IL1RAPL2: variants seen among roughly 807,000 people sequenced by gnomAD.
IL1RAPL2 encodes X-linked interleukin-1 receptor accessory protein-like 2.
IL1RAPL2 carries 3 observed loss-of-function variants against 44.1 expected under a neutral mutation model. The observed-to-expected ratio is 0.07, with a 90% CI of 0.03 to 0.18. The LOEUF is 0.18. IL1RAPL2 is among the 10% of genes least tolerant of loss of function. The pLI is 1.00. For missense variants in IL1RAPL2, 391 were observed against 496.4 expected (o/e 0.79, Z 2.02); for synonymous variants, 181 against 178.8 (o/e 1.01, Z -0.10).
chrX:104,746,829 G>A (rs777623869), intron 2 of IL1RAPL2, among the ~76,000 whole-genome samples: 3 of 111,394 alleles, frequency 2.7e-5, no homozygotes, highest in Non-Finnish European at 5.7e-5. Flanking sequence ...TGTGGCTTTC[G>A]TGCCTTGATA....
At chrX:104,944,031 AAAAC>A (rs1925276752) in intron 2 of IL1RAPL2, among the ~76,000 whole-genome samples, 1 of 111,740 alleles carries the variant, frequency 8.9e-6, no homozygotes, top group African/African-American at 3.3e-5. Context: ...TGGATTTACC[AAAAC>A]AAACAAACGA....
At chrX:105,406,603 T>C in intron 5 of IL1RAPL2, 19 of 1,181,110 alleles carry the variant, frequency 1.6e-5, no homozygotes, top group Non-Finnish European at 2.2e-5. Context: ...AACTTCAAAA[T>C]GGCCAATTTA....
At chrX:105,704,779 A>C (rs1415934813) in intron 6 of IL1RAPL2, among the ~76,000 whole-genome samples, 12 of 109,398 alleles carry the variant, frequency 1.1e-4, no homozygotes, top group Non-Finnish European at 2.1e-4. Flanking sequence ...TCTCCCTCCC[A>C]CCACCCCACC....
chrX:104,894,437 T>G (rs752528729), intron 2 of IL1RAPL2, among the ~76,000 whole-genome samples: 1 of 112,265 alleles, frequency 8.9e-6, no homozygotes, highest in Non-Finnish European at 1.9e-5. Context: ...GATGTAGATT[T>G]GGTCTTTTCA....
At chrX:104,614,545 T>C (rs1306565978) in intron 1 of IL1RAPL2, among the ~76,000 whole-genome samples, 1 of 111,668 alleles carries the variant, frequency 9.0e-6, no homozygotes, top group Non-Finnish European at 1.9e-5. Flanking sequence ...GTCCAACTGA[T>C]CAAATGTTGA....
intron 1 of IL1RAPL2, among the ~76,000 whole-genome samples, chrX:104,644,193 T>C (rs1206626531): frequency 9.0e-6 from 1 of 111,446 alleles, no homozygotes; most frequent in Non-Finnish European, 1.9e-5. Context: ...AAAATGCAAA[T>C]AAAGAATATT....
intron 6 of IL1RAPL2, among the ~76,000 whole-genome samples, chrX:105,484,804 T>A (rs1243568537): frequency 9.0e-6 from 1 of 111,688 alleles, no homozygotes; most frequent in Non-Finnish European, 1.9e-5. Flanking sequence ...TTTGATAATA[T>A]TATTTTCAAT....
intron 5 of IL1RAPL2, among the ~76,000 whole-genome samples, chrX:105,392,126 C>T (rs1316811662): frequency 1.9e-5 from 2 of 106,158 alleles, no homozygotes; most frequent in Non-Finnish European, 3.9e-5. Flanking sequence ...GCACATGTAC[C>T]CTAAAACTTA....
At chrX:105,128,277 TG>T (rs934499153) in intron 2 of IL1RAPL2, among the ~76,000 whole-genome samples, 1 of 110,779 alleles carries the variant, frequency 9.0e-6, no homozygotes, top group Non-Finnish European at 1.9e-5. Flanking sequence ...GCCCAAAAAT[TG>T]GTCTGTGTTA....
intron 2 of IL1RAPL2, among the ~76,000 whole-genome samples, chrX:105,097,868 C>T (rs1470542071): frequency 1.8e-5 from 2 of 111,126 alleles, no homozygotes; most frequent in Admixed American, 9.6e-5. Context: ...GTAGGGTACC[C>T]GTTACGTCAC....
At chrX:104,642,932 G>T (rs980939959) in intron 1 of IL1RAPL2, among the ~76,000 whole-genome samples, 2 of 112,139 alleles carry the variant, frequency 1.8e-5, no homozygotes, top group Non-Finnish European at 3.8e-5. Flanking sequence ...TTTTAGTTTT[G>T]TTATTAGGAA....
chrX:104,723,761 A>G (rs1031478421), intron 2 of IL1RAPL2, among the ~76,000 whole-genome samples: 86 of 111,172 alleles, frequency 7.7e-4, no homozygotes, highest in Non-Finnish European at 9.5e-4. Flanking sequence ...TTCATTTTCT[A>G]TGATCCCCAA....
intron 5 of IL1RAPL2, among the ~76,000 whole-genome samples, chrX:105,418,536 A>G (rs2035750850): frequency 8.9e-6 from 1 of 111,991 alleles, no homozygotes; most frequent in African/African-American, 3.2e-5. Flanking sequence ...CACTTGAAAC[A>G]TAATAATATC....
At chrX:104,900,205 C>T (rs746458146) in intron 2 of IL1RAPL2, among the ~76,000 whole-genome samples, 9 of 111,780 alleles carry the variant, frequency 8.1e-5, no homozygotes, top group Non-Finnish European at 1.7e-4. Context: ...GCCCGTAAAA[C>T]TGTTTCACAA....
chrX:105,140,595 G>C (rs1336649326), intron 2 of IL1RAPL2, among the ~76,000 whole-genome samples: 1 of 112,138 alleles, frequency 8.9e-6, no homozygotes, highest in African/African-American at 3.2e-5. Flanking sequence ...ATGCAAACCA[G>C]TTGATACAAT....
chrX:104,711,891 G>A (rs143566328), intron 2 of IL1RAPL2, among the ~76,000 whole-genome samples: 1,160 of 110,447 alleles, frequency 0.011, 18 homozygotes, highest in African/African-American at 0.035. Flanking sequence ...AGTTTCTGAG[G>A]CAATGAAGGA....
At chrX:105,104,811 G>A (rs2032717563) in intron 2 of IL1RAPL2, among the ~76,000 whole-genome samples, 1 of 112,157 alleles carries the variant, frequency 8.9e-6, no homozygotes, top group Admixed American at 9.5e-5. Context: ...AAAAAGCTGT[G>A]ATAAATGCTA....
chrX:105,485,766 T>C (rs2036261977), intron 6 of IL1RAPL2, among the ~76,000 whole-genome samples: 1 of 111,937 alleles, frequency 8.9e-6, no homozygotes, highest in South Asian at 3.7e-4. Flanking sequence ...GTTTCATCCA[T>C]GTTGTTGCAA....
chrX:105,220,230 G>A lies in IL1RAPL2; in HGVS notation c.357-13588G>A, dbSNP rs369858858. The A allele has an allele frequency of 1.2e-5, 14 of 1,210,126 alleles. No homozygotes were observed. In the African/African-American group the frequency reaches 1.7e-4, roughly 15 times the overall value. The stretch of plus-strand genomic sequence containing the variant: ...CTTTGACCTCACTGGGCACCTCGCT[G>A]TCCTCCAGTATGGCCCTCAGCTTGT... On this transcript the variant is annotated intron_variant, in intron 3 of 10. Transcript: ENST00000372582.
Sources: allele counts gnomAD v4.1 joint callset (sites outside exome capture counted in the v4.1 genomes callset), GRCh38; gene constraint gnomAD v4.1.1; transcripts MANE v1.5; gene names NCBI Gene and HGNC (gene_info 2026-07-23, HGNC 2026-07-21).